The following PCDH15 variants were observed in gnomAD, a reference collection of about 807,000 sequenced individuals.
The protein encoded by PCDH15 is protocadherin related 15, also known as protocadherin-15.
A neutral mutation model predicts 178.5 loss-of-function variants in PCDH15; 129 were observed. The ratio of observed to expected loss-of-function variants is 0.72; its 90% CI spans 0.63 to 0.84. PCDH15 has a LOEUF of 0.84. Ranked by LOEUF, PCDH15 falls within the 40% of genes least tolerant of loss-of-function variation. The pLI, the probability that PCDH15 is intolerant of heterozygous loss-of-function variation, is 0.00. For synonymous variants in PCDH15, 800 were observed against 732.0 expected (o/e 1.09, Z -1.50); for missense variants, 2,230 against 2,099.9 (o/e 1.06, Z -1.21).
In PCDH15 at chr10:54,297,187, A is replaced by C. The variant is rs564734499; in HGVS notation, c.876+20084T>G. ...GGGCAGGGGGAGAAACAAACAAAAC[A>C]AAACCGCAGGTGGTTTTGTCTTTCA... On this transcript the variant is annotated intron_variant, in intron 8 of 37. Transcript: ENST00000644397. Among the ~76,000 whole-genome samples, 26 of 152,212 alleles carry C rather than the reference A, an allele frequency of 1.7e-4. No individual in the cohort carries two copies. In the South Asian group the frequency reaches 5.4e-3, roughly 32 times the overall value.
At chr10:55,435,101 CA>C (rs1839008180) in intron 2 of PCDH15, among the ~76,000 whole-genome samples, 1 of 151,822 alleles carries the variant, frequency 6.6e-6, no homozygotes, top group Admixed American at 6.6e-5. Context: ...TTTAAGAAAT[CA>C]AAAGGAATTT....
At chr10:55,201,994 C>G (rs184598407) in intron 1 of PCDH15, among the ~76,000 whole-genome samples, 2 of 152,004 alleles carry the variant, frequency 1.3e-5, no homozygotes, top group Admixed American at 1.3e-4. Context: ...GTAGTAATTT[C>G]CTTGAAAGTG....
At chr10:54,300,709 G>A (rs374797980) in intron 8 of PCDH15, among the ~76,000 whole-genome samples, 42 of 152,028 alleles carry the variant, frequency 2.8e-4, no homozygotes, top group African/African-American at 8.7e-4. Context: ...ACCAATCAGC[G>A]CTCTGTGTCT....
intron 8 of PCDH15, among the ~76,000 whole-genome samples, chr10:54,309,514 C>T (rs889720957): frequency 2.0e-5 from 3 of 151,984 alleles, no homozygotes; most frequent in African/African-American, 7.2e-5. Context: ...AAATATCAGG[C>T]TGGGCACGGT....
At chr10:55,599,408 C>G (rs1462158257) in intron 2 of PCDH15, 3 of 152,258 alleles carry the variant, frequency 2.0e-5, no homozygotes, top group African/African-American at 7.2e-5. Flanking sequence ...AAATAACCGT[C>G]CTATAGAGAG....
intron 2 of PCDH15, among the ~76,000 whole-genome samples, chr10:54,571,331 TTGAAAAAAA>T (rs1445678120): frequency 4.8e-4 from 12 of 25,038 alleles, no homozygotes; most frequent in Non-Finnish European, 9.5e-4. Flanking sequence ...TAGACAAAAT[TTGAAAAAAA>T]AAAAAAAAAA....
At chr10:55,088,233 A>C (rs1474406426) in intron 2 of PCDH15, among the ~76,000 whole-genome samples, 1 of 152,050 alleles carries the variant, frequency 6.6e-6, no homozygotes, top group Non-Finnish European at 1.5e-5. Context: ...TACAAGTATT[A>C]AGTGATTGGT....
intron 1 of PCDH15, among the ~76,000 whole-genome samples, chr10:55,202,561 G>A (rs1165727796): frequency 6.6e-6 from 1 of 152,060 alleles, no homozygotes; most frequent in East Asian, 1.9e-4. Flanking sequence ...TTGAAGAAAG[G>A]AGGTAGGGGG....
At chr10:55,588,781 TG>T (rs1395609363) in intron 2 of PCDH15, among the ~76,000 whole-genome samples, 1 of 151,676 alleles carries the variant, frequency 6.6e-6, no homozygotes, top group Non-Finnish European at 1.5e-5. Context: ...TATGAAAAAC[TG>T]TTCGAAATAA....
At chr10:54,602,273 G>T (rs1191490704) in intron 2 of PCDH15, among the ~76,000 whole-genome samples, 2 of 151,520 alleles carry the variant, frequency 1.3e-5, no homozygotes, top group Middle Eastern at 3.2e-3. Context: ...TATATAAATA[G>T]GATTTTTAAA....
chr10:54,206,377 T>C (rs572285186), intron 10 of PCDH15, among the ~76,000 whole-genome samples: 19 of 152,242 alleles, frequency 1.2e-4, no homozygotes, highest in African/African-American at 4.6e-4. Flanking sequence ...ATCTTGGGTA[T>C]AAACAGCAAG....
intron 2 of PCDH15, among the ~76,000 whole-genome samples, chr10:54,622,619 ATATATAT>A (rs2093398236): frequency 1.2e-4 from 5 of 42,490 alleles, no homozygotes; most frequent in African/African-American, 4.8e-4. Context: ...ATTATATATA[ATATATAT>A]AATATATATT....
chr10:54,626,185 A>G (rs986184524), intron 2 of PCDH15, among the ~76,000 whole-genome samples: 2 of 152,218 alleles, frequency 1.3e-5, no homozygotes, highest in Non-Finnish European at 2.9e-5. Flanking sequence ...CAAAGGAGGC[A>G]GAACATGAAT....
chr10:54,516,924 G>T (rs1008680295), intron 3 of PCDH15, among the ~76,000 whole-genome samples: 5 of 152,172 alleles, frequency 3.3e-5, no homozygotes, highest in African/African-American at 4.8e-5. Flanking sequence ...TTAAAGAAAA[G>T]AATTTTCAAC....
At chr10:54,679,050 C>CGT (rs2094846615) in intron 1 of PCDH15, among the ~76,000 whole-genome samples, 1 of 151,522 alleles carries the variant, frequency 6.6e-6, no homozygotes, top group Admixed American at 6.6e-5. Context: ...ATTAGCCGGG[C>CGT]GTGTTGGCGG....
intron 4 of PCDH15, among the ~76,000 whole-genome samples, chr10:54,375,973 C>A (rs1948368735): frequency 6.6e-6 from 1 of 151,144 alleles, no homozygotes; most frequent in African/African-American, 2.4e-5. Flanking sequence ...TGGTTCACTG[C>A]AACCTCCGCC....
chr10:54,335,288 C>T (rs570928274), intron 6 of PCDH15, among the ~76,000 whole-genome samples: 37 of 152,148 alleles, frequency 2.4e-4, no homozygotes, highest in Admixed American at 1.6e-3. Context: ...AAAATGGACT[C>T]CCTATGACTA....
intron 1 of PCDH15, among the ~76,000 whole-genome samples, chr10:55,228,121 C>T (rs1841105514): frequency 6.6e-6 from 1 of 152,042 alleles, no homozygotes; most frequent in Non-Finnish European, 1.5e-5. Context: ...TGAAATATAG[C>T]TTGCTAATGA....
At chr10:54,651,670 G>A (rs912043101) in intron 2 of PCDH15, among the ~76,000 whole-genome samples, 1 of 152,178 alleles carries the variant, frequency 6.6e-6, no homozygotes, top group Admixed American at 6.5e-5. Context: ...TTTTACAGCT[G>A]AACCATCTGT....
Sources: gnomAD v4.1 joint callset for allele counts (sites outside exome capture counted in the v4.1 genomes callset) on GRCh38, gnomAD v4.1.1 for gene constraint, MANE v1.5 for transcripts, NCBI Gene and HGNC (gene_info 2026-07-23, HGNC 2026-07-21) for gene names.